Variants in GPM6B observed in about 807,000 individuals in gnomAD.
GPM6B encodes glycoprotein M6B, also known as neuronal membrane glycoprotein M6-b.
In GPM6B, 4 loss-of-function variants were observed where a neutral mutation model predicts 27.2. The observed-to-expected ratio is 0.15, with a 90% confidence interval of 0.07 to 0.34. GPM6B has a LOEUF of 0.34. Ranked by LOEUF, GPM6B falls within the 10% of genes least tolerant of loss-of-function variation. GPM6B has a pLI of 1.00. For missense variants in GPM6B, 183 were observed against 261.9 expected (o/e 0.70, Z 2.08); for synonymous variants, 124 against 103.1 (o/e 1.20, Z -1.23).
intron 1 of GPM6B, among the ~76,000 whole-genome samples, chrX:13,845,790 G>T (rs187584457): frequency 1.8e-5 from 2 of 112,120 alleles, no homozygotes; most frequent in South Asian, 3.7e-4. Flanking sequence ...CAGCAACGTT[G>T]CAAGAAAGCT....
intron 6 of GPM6B, among the ~76,000 whole-genome samples, chrX:13,777,026 G>C (rs2048426340): frequency 9.6e-6 from 1 of 103,806 alleles, no homozygotes; most frequent in Non-Finnish European, 2.0e-5. Context: ...AAAGTAGAAA[G>C]AGTAGAAGTA....
chrX:13,870,913 A>AT (rs2146998214), intron 1 of GPM6B, among the ~76,000 whole-genome samples: 1 of 110,022 alleles, frequency 9.1e-6, no homozygotes, highest in Non-Finnish European at 1.9e-5. Context: ...CTACAAAAAA[A>AT]AATAAAAACT....
chrX:13,796,833 C>T (rs756803856), intron 2 of GPM6B, among the ~76,000 whole-genome samples: 12 of 112,305 alleles, frequency 1.1e-4, no homozygotes, highest in Middle Eastern at 9.2e-3. Context: ...AGCAATGATA[C>T]GCTTCCATGA....
rs2048314810 is a variant in GPM6B, at chrX:13,772,277, A to AT, written c.*603dup. ...CAGAATTGTAGCTAATTTTAGCATT[A>AT]TTGAAAAATATATTTCTGATTGGCT... On this transcript the variant is annotated 3_prime_UTR_variant, in exon 8 of 8. Coordinates refer to ENST00000316715, the MANE Select transcript of GPM6B (RefSeq NM_001001995.3). 1 of 112,375 alleles carries AT rather than the reference A, an allele frequency of 8.9e-6. No homozygotes were observed. The highest frequency in any genetic ancestry group is 3.2e-5 in the African/African-American group (1 of 30,870). The allele number at this position is 112,375 out of a possible 1,213,427, so 9.3% of individuals were successfully genotyped here.
At chrX:13,776,338 A>T in intron 6 of GPM6B, 35 bp from the exon 7 acceptor site, 1 of 1,101,832 alleles carries the variant, frequency 9.1e-7, no homozygotes. Flanking sequence ...TAAGCATTTG[A>T]TGTTAAATGA....
chrX:13,823,683 C>A (rs1203630991), intron 1 of GPM6B, among the ~76,000 whole-genome samples: 1 of 111,285 alleles, frequency 9.0e-6, no homozygotes, highest in African/African-American at 3.3e-5. Context: ...CCATGCCCAG[C>A]TAACTTTTGT....
Position 13,774,509 on chromosome X carries a change from T to A in GPM6B, c.838-1479A>T, listed in dbSNP as rs775326018. The A allele has an allele frequency of 5.8e-6, 7 of 1,206,648 alleles. No individual in the cohort carries two copies. The East Asian group carries it at 2.1e-4, about 36-fold the overall frequency. Reference sequence around the variant, plus strand: ...CTGGAGTGTCAGTGATATTTCATGCTACAGAGCATAGCTCTCTAAAACTCC... The same window carrying A: ...CTGGAGTGTCAGTGATATTTCATGCAACAGAGCATAGCTCTCTAAAACTCC... On this transcript the variant is annotated intron_variant, in intron 7 of 7. Coordinates refer to ENST00000316715, the MANE Select transcript of GPM6B (RefSeq NM_001001995.3).
At chrX:13,929,441 A>AAG (rs1258424887) in intron 1 of GPM6B, among the ~76,000 whole-genome samples, 6 of 110,064 alleles carry the variant, frequency 5.5e-5, no homozygotes, top group African/African-American at 2.0e-4. Flanking sequence ...TTAAAAAAAA[A>AAG]AAAACTTCCT....
chrX:13,813,674 A>T (rs1279165088), intron 1 of GPM6B, among the ~76,000 whole-genome samples: 1 of 112,307 alleles, frequency 8.9e-6, no homozygotes, highest in Non-Finnish European at 1.9e-5. Flanking sequence ...TTATTTTCAC[A>T]AATGAAATGA....
At position 13,807,692 on chromosome X, in the gene GPM6B, C is replaced by T. The variant is rs1372428777; in HGVS notation, c.139G>A (p.Val47Met). The T allele has an allele frequency of 1.7e-6, 2 of 1,203,824 alleles. No homozygotes were observed. The highest frequency in any genetic ancestry group is 1.8e-5 in the South Asian group (1 of 56,166). Residue 47 changes from valine (V) to methionine (M), a missense_variant, in exon 2 of 8, where the codon GTG (valine) becomes ATG (methionine). Physicochemically the swap from Val to Met is conservative, Grantham distance 21. Transcript: ENST00000316715. The part of the protein sequence containing the change: ...PGSKNHQYHP[V>M]PTLGDRASPL... ...CTAGCCCTGTCCCCCAGGGTTGGCA[C>T]GGGATGGTACTGGTGGTTCTTTGAG...
intron 1 of GPM6B, among the ~76,000 whole-genome samples, chrX:13,842,314 C>T (rs1165402591): frequency 8.9e-6 from 1 of 112,022 alleles, no homozygotes; most frequent in African/African-American, 3.2e-5. Flanking sequence ...TCACAGAGTA[C>T]CATCTCTTTT....
chrX:13,776,448 C>T, intron 6 of GPM6B, 145 bp from the exon 7 acceptor site: 1 of 451,898 alleles, frequency 2.2e-6, no homozygotes, highest in Non-Finnish European at 3.8e-6. Context: ...ATGCTCTGGC[C>T]TCATGGTGGA....
chrX:13,861,031 CACACACACACACATATAT>C (rs1425426270), intron 1 of GPM6B, among the ~76,000 whole-genome samples: 39 of 81,252 alleles, frequency 4.8e-4, no homozygotes, highest in African/African-American at 2.0e-3. Flanking sequence ...CACACACACA[CACACACACACACATATAT>C]ACATATATAT....
At chrX:13,825,248 A>G (rs1243376211) in intron 1 of GPM6B, among the ~76,000 whole-genome samples, 1 of 112,134 alleles carries the variant, frequency 8.9e-6, no homozygotes, top group Non-Finnish European at 1.9e-5. Flanking sequence ...GGAGAGTGAG[A>G]AGGACTATCA....
chrX:13,886,719 T>TAAAAAAAAAAAAAAAAA (rs5901522), intron 1 of GPM6B, among the ~76,000 whole-genome samples: 468 of 35,051 alleles, frequency 0.013, 70 homozygotes, highest in South Asian at 0.04. Context: ...AAGTCACTAC[T>TAAAAAAAAAAAAAAAAA]AAAAAAAAAA....
At chrX:13,905,242 A>AAAAAAAAAAAG (rs1300353393) in intron 1 of GPM6B, among the ~76,000 whole-genome samples, 3 of 107,863 alleles carry the variant, frequency 2.8e-5, no homozygotes, top group Non-Finnish European at 5.7e-5. Flanking sequence ...AAAAAAAAAA[A>AAAAAAAAAAAG]AAAAGAAAAG....
At chrX:13,776,829 C>T (rs765429918) in intron 6 of GPM6B, among the ~76,000 whole-genome samples, 1 of 112,223 alleles carries the variant, frequency 8.9e-6, no homozygotes, top group African/African-American at 3.2e-5. Context: ...TTAGGACACA[C>T]TCCCTAGTAA....
chrX:13,878,296 A>T (rs1352812157), intron 1 of GPM6B, among the ~76,000 whole-genome samples: 6 of 108,380 alleles, frequency 5.5e-5, no homozygotes, highest in Non-Finnish European at 1.1e-4. Flanking sequence ...TTCCACTTGC[A>T]TATGCTCTAA....
At chrX:13,831,571 A>C (rs1304097824) in intron 1 of GPM6B, among the ~76,000 whole-genome samples, 3 of 111,107 alleles carry the variant, frequency 2.7e-5, no homozygotes, top group Non-Finnish European at 5.7e-5. Context: ...CCATCCTCTG[A>C]CTGTACAGGT....
Sources: allele counts gnomAD v4.1 joint callset (sites outside exome capture counted in the v4.1 genomes callset), GRCh38; gene constraint gnomAD v4.1.1; transcripts MANE v1.5; gene names NCBI Gene and HGNC (gene_info 2026-07-23, HGNC 2026-07-21).